MAP2: variants seen among roughly 807,000 people sequenced by gnomAD.
MAP2 encodes the protein microtubule-associated protein 2.
A neutral mutation model predicts 137.6 loss-of-function variants in MAP2; 14 were observed. That is an observed-to-expected ratio of 0.10 (90% CI 0.07 to 0.16). The LOEUF is 0.16. Ranked by LOEUF, MAP2 falls within the 10% of genes least tolerant of loss-of-function variation. The pLI, the probability that MAP2 is intolerant of heterozygous loss-of-function variation, is 1.00. For missense variants in MAP2, 2,088 were observed against 2,191.5 expected (o/e 0.95, Z 0.94); for synonymous variants, 786 against 782.3 (o/e 1.00, Z -0.08).
chr2:209,426,037 T>C (rs1692478101), intron 1 of MAP2, among the ~76,000 whole-genome samples: 1 of 152,192 alleles, frequency 6.6e-6, no homozygotes, highest in Non-Finnish European at 1.5e-5. Context: ...TTATTATATT[T>C]GTGTGTGTAT....
Position 209,730,511 on chromosome 2 carries a change from T to G in MAP2, c.*114T>G. The G allele has an allele frequency of 1.4e-6, 1 of 712,620 alleles. No homozygotes were observed. 44.1% of individuals were successfully genotyped at this position (712,620 alleles called of 1,614,324 possible). On this transcript the variant is annotated 3_prime_UTR_variant, in exon 16 of 16. Coordinates refer to ENST00000682079, the MANE Select transcript of MAP2 (RefSeq NM_001375505.1). Reference sequence around the variant, plus strand: ...ATAAACCATAAAATAAATAATCTCATCCCCAAACTGTAGTAATTGTTACAA... The same window carrying G: ...ATAAACCATAAAATAAATAATCTCAGCCCCAAACTGTAGTAATTGTTACAA...
chr2:209,448,713 G>T (rs1424719357), intron 1 of MAP2, among the ~76,000 whole-genome samples: 7 of 152,032 alleles, frequency 4.6e-5, no homozygotes, highest in Admixed American at 4.6e-4. Flanking sequence ...CTTCTCTTTT[G>T]TCTCTCAAAT....
chr2:209,616,610 G>A (rs975365883), intron 3 of MAP2, among the ~76,000 whole-genome samples: 5 of 152,056 alleles, frequency 3.3e-5, no homozygotes, highest in Non-Finnish European at 2.9e-5. Context: ...TTTGCAATAC[G>A]TCTCTCAGCT....
At chr2:209,678,116 T>C (rs1393470325) in intron 5 of MAP2, among the ~76,000 whole-genome samples, 2 of 152,088 alleles carry the variant, frequency 1.3e-5, no homozygotes, top group African/African-American at 4.8e-5. Flanking sequence ...GAATTTGTTT[T>C]ACTAGGTATA....
Position 209,695,187 on chromosome 2 carries a change from T to A in MAP2, c.3017T>A (p.Ile1006Lys). ...YEQALAKDLS[I>K]PTDASSEKAE... The stretch of plus-strand genomic sequence containing the variant: ...CAAGCTTTGGCCAAAGATTTGTCAA[T>A]ACCAACAGATGCATCCTCTGAGAAA... Residue 1006 changes from isoleucine (I) to lysine (K), a missense_variant, in exon 8 of 16, where the codon ATA (isoleucine) becomes AAA (lysine). Physicochemically the swap from Ile to Lys is moderately radical, Grantham distance 102 (BLOSUM62 -3). Transcript: ENST00000682079. 1 of 1,614,146 alleles carries A rather than the reference T, an allele frequency of 6.2e-7. No individual in the cohort carries two copies. Among genetic ancestry groups the A allele is most frequent in the South Asian group, 1.1e-5 (1 of 91,084 alleles).
chr2:209,498,723 G>A (rs2060040255), intron 1 of MAP2, among the ~76,000 whole-genome samples: 1 of 152,224 alleles, frequency 6.6e-6, no homozygotes, highest in Non-Finnish European at 1.5e-5. Flanking sequence ...CAGAGCAGTG[G>A]TATGACAGTG....
chr2:209,601,723 G>A (rs950216823), intron 3 of MAP2, among the ~76,000 whole-genome samples: 1 of 152,124 alleles, frequency 6.6e-6, no homozygotes, highest in African/African-American at 2.4e-5. Flanking sequence ...CAGTTCTTGG[G>A]AGGTTGAATC....
chr2:209,527,862 T>G lies in MAP2; in HGVS notation c.-172+20221T>G, dbSNP rs551520990. Among the ~76,000 whole-genome samples, 181 of 152,324 alleles carry G rather than the reference T, an allele frequency of 1.2e-3. 4 individuals are homozygous for G. In the South Asian group the frequency reaches 0.037, roughly 31 times the overall value. On this transcript the variant is annotated intron_variant, in intron 2 of 15. Transcript: ENST00000682079. ...TGTCAAGTCTTCCAAGTAATTCTGA[T>G]GCTGAAGTTTGAGAACCAGTGAGAA...
chr2:209,478,845 C>T (rs866938759), intron 1 of MAP2, among the ~76,000 whole-genome samples: 16 of 151,970 alleles, frequency 1.1e-4, no homozygotes, highest in Admixed American at 7.2e-4. Flanking sequence ...GGAAATTGCC[C>T]GTATTTTCAT....
intron 13 of MAP2, among the ~76,000 whole-genome samples, chr2:209,722,423 T>C (rs994862): frequency 0.77 from 117,620 of 152,178 alleles, 47,890 homozygotes; most frequent in Non-Finnish European, 0.89. Flanking sequence ...AAAGATGTGG[T>C]AATATTCTTG....
intron 1 of MAP2, among the ~76,000 whole-genome samples, chr2:209,441,176 CTTTGTAGA>C (rs1697668175): frequency 6.6e-6 from 1 of 151,330 alleles, no homozygotes; most frequent in Admixed American, 6.6e-5. Context: ...ACTTTACATT[CTTTGTAGA>C]TTATATTCAC....
chr2:209,444,734 C>A (rs987250292), intron 1 of MAP2, among the ~76,000 whole-genome samples: 1 of 151,370 alleles, frequency 6.6e-6, no homozygotes, highest in South Asian at 2.1e-4. Context: ...ACTGAGTCAT[C>A]GTTGAAACTT....
At chr2:209,539,500 C>T (rs288094) in intron 2 of MAP2, among the ~76,000 whole-genome samples, 50,162 of 152,070 alleles carry the variant, frequency 0.33, 14,427 homozygotes, top group African/African-American at 0.78. Flanking sequence ...TCTAGGAAAA[C>T]AAAGTCAATT....
intron 2 of MAP2, among the ~76,000 whole-genome samples, chr2:209,521,205 A>T (rs2063227087): frequency 6.6e-6 from 1 of 152,058 alleles, no homozygotes; most frequent in Non-Finnish European, 1.5e-5. Flanking sequence ...AGAAAAGAAC[A>T]AGAAAGACAC....
intron 13 of MAP2, among the ~76,000 whole-genome samples, chr2:209,712,389 G>A (rs916505670): frequency 3.9e-5 from 6 of 152,068 alleles, no homozygotes; most frequent in Non-Finnish European, 7.4e-5. Context: ...CAAAATCACA[G>A]TGTCATTTGA....
intron 3 of MAP2, among the ~76,000 whole-genome samples, chr2:209,621,930 C>T (rs2091308653): frequency 6.6e-6 from 1 of 152,198 alleles, no homozygotes; most frequent in Non-Finnish European, 1.5e-5. Flanking sequence ...TCGTTTATAG[C>T]TGAACAAGTA....
chr2:209,693,664 G>A lies in MAP2; in HGVS notation c.1494G>A (p.Ser498=), dbSNP rs1481137621. The change falls in exon 8 of 16, where the codon TCG becomes TCA. Residue 498 remains serine, a synonymous_variant. Transcript: ENST00000682079. The stretch of plus-strand genomic sequence containing the variant: ...CCACAGATATGTTGAAACAGGACTC[G>A]TTCCCTGTAAGTTTGGAGCAAGCAG... The part of the protein sequence containing the change: ...EPTTDMLKQD[S]FPVSLEQAVT... The A allele has an allele frequency of 1.9e-6, 3 of 1,613,766 alleles. No individual in the cohort carries two copies. The highest frequency in any genetic ancestry group is 1.1e-5 in the South Asian group (1 of 91,050).
chr2:209,469,146 T>C (rs1021588163), intron 1 of MAP2, among the ~76,000 whole-genome samples: 1 of 152,248 alleles, frequency 6.6e-6, no homozygotes, highest in African/African-American at 2.4e-5. Context: ...TATTTGGGCC[T>C]TATTTGAATT....
At chr2:209,455,610 T>C (rs950831709) in intron 1 of MAP2, among the ~76,000 whole-genome samples, 1 of 152,238 alleles carries the variant, frequency 6.6e-6, no homozygotes, top group Admixed American at 6.5e-5. Context: ...GAATTACTTG[T>C]ATAAAATGCA....
Sources: gnomAD v4.1 joint callset for allele counts (sites outside exome capture counted in the v4.1 genomes callset) on GRCh38, gnomAD v4.1.1 for gene constraint, MANE v1.5 for transcripts, NCBI Gene and HGNC (gene_info 2026-07-23, HGNC 2026-07-21) for gene names.